The following EFCAB6 variants were observed in gnomAD, a reference collection of about 807,000 sequenced individuals.
EFCAB6 encodes EF-hand calcium-binding domain-containing protein 6.
A neutral mutation model predicts 169.8 loss-of-function variants in EFCAB6; 156 were observed. The observed-to-expected ratio is 0.92, with a 90% confidence interval of 0.81 to 1.05. The LOEUF (loss-of-function observed/expected upper bound fraction) is 1.05. Ranked by LOEUF, EFCAB6 falls within the 50% of genes least tolerant of loss-of-function variation. The pLI is 0.00. For missense variants in EFCAB6, 1,800 were observed against 1,829.1 expected (o/e 0.98, Z 0.29); for synonymous variants, 698 against 676.4 (o/e 1.03, Z -0.50).
At chr22:43,581,548 A>C (rs1209579133) in intron 24 of EFCAB6, among the ~76,000 whole-genome samples, 1 of 152,264 alleles carries the variant, frequency 6.6e-6, no homozygotes, top group Non-Finnish European at 1.5e-5. Context: ...AAGATGCAAA[A>C]TAATTAAAAT....
chr22:43,539,483 G>A (rs139808666), intron 28 of EFCAB6, among the ~76,000 whole-genome samples: 7 of 152,336 alleles, frequency 4.6e-5, no homozygotes, highest in Non-Finnish European at 7.3e-5. Context: ...TCAAGGTCAC[G>A]CATAGTGATG....
At chr22:43,563,302 A>G (rs73172039) in intron 26 of EFCAB6, among the ~76,000 whole-genome samples, 23,085 of 152,180 alleles carry the variant, frequency 0.15, 1,904 homozygotes, top group Middle Eastern at 0.23. Flanking sequence ...GGGTAAAGTG[A>G]AAATAAAAAC....
At chr22:43,578,190 C>T (rs531806425) in intron 25 of EFCAB6, among the ~76,000 whole-genome samples, 33 of 152,308 alleles carry the variant, frequency 2.2e-4, no homozygotes, top group African/African-American at 7.9e-4. Context: ...CAGGTTTATT[C>T]ACGCTGAGCC....
At position 43,624,654 on chromosome 22, in the gene EFCAB6, G is replaced by A. The variant is rs543966167; in HGVS notation, c.2465+1793C>T. Among the ~76,000 whole-genome samples, 22 of 152,232 alleles carry A rather than the reference G, an allele frequency of 1.4e-4. No homozygotes were observed. In the South Asian group the frequency reaches 3.9e-3, roughly 27 times the overall value. ...TCCCTCCTTTTCCTGAGCAACTCAC[G>A]GGCGCCTCCCTCTGTTCCTGTGGCA... On this transcript the variant is annotated intron_variant, in intron 20 of 31. Transcript: ENST00000262726.
chr22:43,685,052 C>T (rs137795), intron 11 of EFCAB6, among the ~76,000 whole-genome samples: 144,895 of 152,300 alleles, frequency 0.95, 68,949 homozygotes, highest in East Asian at 0.98. Flanking sequence ...AAGATTAAAA[C>T]CCCAAAGCCA....
In EFCAB6 at chr22:43,632,207, C is replaced by T. The variant is rs145144112; in HGVS notation, c.2130G>A (p.Pro710=). The T allele has an allele frequency of 4.3e-3, 6,965 of 1,607,220 alleles. 35 individuals carry two copies. Among genetic ancestry groups the T allele is most frequent in the Middle Eastern group, 0.033 (197 of 6,026 alleles). The change falls in exon 19 of 32, where the codon CCG becomes CCA. Residue 710 remains proline (P), a synonymous_variant. Coordinates refer to ENST00000262726, the MANE Select transcript of EFCAB6 (RefSeq NM_022785.4). ...DPPMRGPETT[P]PQPPTPSKSY... ...TTTTTGAAGGAGTTGGAGGCTGCGG[C>T]GGAGTGGTTTCCGGCCCTCTCATTG...
At chr22:43,540,900 G>T (rs1251794495) in intron 27 of EFCAB6, among the ~76,000 whole-genome samples, 3 of 152,208 alleles carry the variant, frequency 2.0e-5, no homozygotes, top group Non-Finnish European at 4.4e-5. Context: ...AAACCAGGGA[G>T]CGGTTTATGG....
chr22:43,799,972 C>T (rs1008184412), intron 2 of EFCAB6, among the ~76,000 whole-genome samples: 2 of 152,134 alleles, frequency 1.3e-5, no homozygotes, highest in African/African-American at 4.8e-5. Context: ...TGGCAGGAGA[C>T]CTATCCCTGC....
intron 17 of EFCAB6, among the ~76,000 whole-genome samples, chr22:43,645,044 G>C (rs551290408): frequency 6.6e-6 from 1 of 152,152 alleles, no homozygotes; most frequent in Non-Finnish European, 1.5e-5. Context: ...GGAAGTATTA[G>C]ATTGAATGGA....
At chr22:43,557,646 CAGAA>C (rs1431477147) in intron 26 of EFCAB6, among the ~76,000 whole-genome samples, 21 of 151,924 alleles carry the variant, frequency 1.4e-4, no homozygotes, top group African/African-American at 4.8e-4. Flanking sequence ...TTCCAGAACA[CAGAA>C]AGAGTCATAT....
chr22:43,588,736 G>T (rs2051246622), intron 24 of EFCAB6, among the ~76,000 whole-genome samples: 1 of 152,160 alleles, frequency 6.6e-6, no homozygotes, highest in Admixed American at 6.5e-5. Context: ...TAGCTGACGT[G>T]TCTCGATGGA....
rs777310863 is a variant in EFCAB6 at position 43,632,230 on chromosome 22, T to A, written c.2107A>T (p.Met703Leu). ...GGCGGAGTGGTTTCCGGCCCTCTCA[T>A]TGGAGGATCTGGAACAATTACAAAG... ...DFAAGFEDPP[M>L]RGPETTPPQP... The change falls in exon 19 of 32, where the codon ATG becomes TTG. Residue 703 changes from methionine to leucine, a missense_variant. Transcript: ENST00000262726. 4 of 1,613,042 alleles carry A rather than the reference T, an allele frequency of 2.5e-6. No homozygotes were observed. The African/African-American group carries it at 5.4e-5, about 22-fold the overall frequency.
intron 6 of EFCAB6, among the ~76,000 whole-genome samples, chr22:43,752,557 G>A (rs760558164): frequency 5.3e-5 from 8 of 152,156 alleles, no homozygotes; most frequent in South Asian, 4.1e-4. Flanking sequence ...GGCTGCTGGC[G>A]GGAACCAATT....
At chr22:43,649,238 C>A (rs939166922) in intron 17 of EFCAB6, among the ~76,000 whole-genome samples, 2 of 152,024 alleles carry the variant, frequency 1.3e-5, no homozygotes, top group African/African-American at 4.8e-5. Context: ...GACAAGAGGG[C>A]AAAGGATGTA....
At chr22:43,661,744 T>C (rs1169411127) in intron 17 of EFCAB6, among the ~76,000 whole-genome samples, 6 of 152,146 alleles carry the variant, frequency 3.9e-5, no homozygotes, top group African/African-American at 1.4e-4. Flanking sequence ...GTAATTCACA[T>C]GAATCAGAAG....
intron 17 of EFCAB6, among the ~76,000 whole-genome samples, chr22:43,653,773 G>T (rs1485391915): frequency 6.6e-6 from 1 of 152,120 alleles, no homozygotes; most frequent in Non-Finnish European, 1.5e-5. Context: ...TAGTGGCCCT[G>T]TCTTTGGAGG....
chr22:43,643,445 C>A (rs1264150183), intron 17 of EFCAB6, among the ~76,000 whole-genome samples: 2 of 152,236 alleles, frequency 1.3e-5, no homozygotes. Context: ...GATGCAAGAG[C>A]CTGCCTCACG....
At chr22:43,568,580 C>T (rs1478704733) in intron 26 of EFCAB6, among the ~76,000 whole-genome samples, 3 of 152,086 alleles carry the variant, frequency 2.0e-5, no homozygotes, top group Admixed American at 6.5e-5. Context: ...AATCCTGATC[C>T]GGGTTCAGGG....
At chr22:43,568,569 G>T (rs1422901631) in intron 26 of EFCAB6, among the ~76,000 whole-genome samples, 1 of 152,168 alleles carries the variant, frequency 6.6e-6, no homozygotes, top group Non-Finnish European at 1.5e-5. Context: ...GAATCAAGAA[G>T]AATCCTGATC....
Sources: allele counts gnomAD v4.1 joint callset (sites outside exome capture counted in the v4.1 genomes callset), GRCh38; gene constraint gnomAD v4.1.1; transcripts MANE v1.5; gene names NCBI Gene and HGNC (gene_info 2026-07-23, HGNC 2026-07-21).